Variants in FRMD5 observed in about 807,000 individuals in gnomAD.
The protein encoded by FRMD5 is FERM domain-containing protein 5.
FRMD5 carries 20 observed loss-of-function variants against 69.0 expected under a neutral mutation model. That is an observed-to-expected ratio of 0.29 (90% CI 0.20 to 0.42). The LOEUF (loss-of-function observed/expected upper bound fraction) is 0.42, where lower values mean the gene tolerates loss of function less well. Ranked by LOEUF, FRMD5 falls within the 10% of genes least tolerant of loss-of-function variation. FRMD5 has a pLI of 1.00. For synonymous variants in FRMD5, 271 were observed against 260.1 expected (o/e 1.04, Z -0.40); for missense variants, 595 against 708.6 (o/e 0.84, Z 1.82).
chr15:44,123,370 G>C (rs1458047307), intron 1 of FRMD5, among the ~76,000 whole-genome samples: 1 of 151,812 alleles, frequency 6.6e-6, no homozygotes, highest in East Asian at 1.9e-4. Context: ...TATGGCATAG[G>C]GTTAAAGAAA....
At position 44,038,520 on chromosome 15, in the gene FRMD5, CTTTT is replaced by C. The variant is rs71111834; in HGVS notation, c.103-114215_103-114212del. The stretch of plus-strand genomic sequence containing the variant: ...GCTTTCTGCATATGGCTAGCCAGAG[CTTTT>C]TTTTTTTTTTTTTTTTATAACAATT... On this transcript the variant is annotated intron_variant, in intron 1 of 13. Transcript: ENST00000417257. 7.9e-5 allele frequency among the ~76,000 whole-genome samples: 5 copies of C among 63,198 alleles called. 1 individual carries two copies. Among genetic ancestry groups the C allele is most frequent in the Non-Finnish European group, 2.8e-5 (1 of 35,302 alleles). 41.5% of individuals were successfully genotyped at this position (63,198 alleles called of 152,430 possible).
At chr15:44,044,565 C>T (rs1315790229) in intron 1 of FRMD5, among the ~76,000 whole-genome samples, 1 of 152,126 alleles carries the variant, frequency 6.6e-6, no homozygotes, top group Non-Finnish European at 1.5e-5. Context: ...ATATATACAC[C>T]ATGGAATACT....
chr15:43,939,140 G>A (rs1391568675), intron 1 of FRMD5, among the ~76,000 whole-genome samples: 1 of 151,974 alleles, frequency 6.6e-6, no homozygotes, highest in Admixed American at 6.6e-5. Flanking sequence ...CAAAGTGCTA[G>A]GATTACAGGT....
At chr15:44,145,067 T>C (rs2077336133) in intron 1 of FRMD5, among the ~76,000 whole-genome samples, 2 of 152,212 alleles carry the variant, frequency 1.3e-5, no homozygotes, top group Admixed American at 1.3e-4. Flanking sequence ...AATTTTACAC[T>C]GAAGTAGAAT....
chr15:43,965,335 G>A lies in FRMD5; in HGVS notation c.103-41026C>T, dbSNP rs944796848. Among the ~76,000 whole-genome samples, 3 of 152,244 alleles carry A rather than the reference G, an allele frequency of 2.0e-5. No individual in the cohort carries two copies. In the South Asian group the frequency reaches 6.2e-4, roughly 32 times the overall value. ...ATGATATCTGCCTTTTACTGATGAC[G>A]TGTCAGGGACTGTACATACACTGCG... On this transcript the variant is annotated intron_variant, in intron 1 of 13. Coordinates refer to ENST00000417257, the MANE Select transcript of FRMD5 (RefSeq NM_032892.5).
chr15:44,123,246 G>C (rs956354567), intron 1 of FRMD5, among the ~76,000 whole-genome samples: 3 of 151,536 alleles, frequency 2.0e-5, no homozygotes, highest in Non-Finnish European at 4.4e-5. Context: ...TCTGGAGGCT[G>C]AGACAGGAGA....
At chr15:43,984,938 C>T (rs150149854) in intron 1 of FRMD5, among the ~76,000 whole-genome samples, 1,848 of 149,966 alleles carry the variant, frequency 0.012, 35 homozygotes, top group African/African-American at 0.043. Flanking sequence ...GAGCCGAGAT[C>T]GCGCCACTGC....
intron 1 of FRMD5, among the ~76,000 whole-genome samples, chr15:44,128,109 G>GA (rs760921093): frequency 5.9e-5 from 9 of 152,052 alleles, no homozygotes; most frequent in Non-Finnish European, 1.2e-4. Context: ...AAGCTTCTGA[G>GA]AAAAAAAGCA....
At chr15:44,005,514 G>A (rs1241985253) in intron 1 of FRMD5, among the ~76,000 whole-genome samples, 1 of 151,334 alleles carries the variant, frequency 6.6e-6, no homozygotes, top group African/African-American at 2.4e-5. Context: ...ATATCTGAGA[G>A]TGGGTAATTT....
At chr15:44,052,879 T>C (rs1285168207) in intron 1 of FRMD5, among the ~76,000 whole-genome samples, 1 of 151,984 alleles carries the variant, frequency 6.6e-6, no homozygotes, top group Non-Finnish European at 1.5e-5. Flanking sequence ...GTATCCTAGG[T>C]GATGGGGATG....
chr15:43,958,640 TC>T (rs994304370), intron 1 of FRMD5, among the ~76,000 whole-genome samples: 12 of 152,272 alleles, frequency 7.9e-5, no homozygotes, highest in Non-Finnish European at 1.8e-4. Flanking sequence ...TGCCATGTTG[TC>T]CAAGTTGGTC....
intron 1 of FRMD5, among the ~76,000 whole-genome samples, chr15:44,048,297 AT>A (rs1280149284): frequency 1.3e-5 from 2 of 151,894 alleles, no homozygotes; most frequent in Non-Finnish European, 2.9e-5. Context: ...TTTGATTTTA[AT>A]TTTCCCTATG....
At chr15:44,020,530 G>A (rs1274820389) in intron 1 of FRMD5, among the ~76,000 whole-genome samples, 1 of 152,196 alleles carries the variant, frequency 6.6e-6, no homozygotes, top group Non-Finnish European at 1.5e-5. Context: ...GGGTCACCAT[G>A]AATGTATGAA....
chr15:44,112,707 A>G (rs997368398), intron 1 of FRMD5, among the ~76,000 whole-genome samples: 3 of 151,976 alleles, frequency 2.0e-5, no homozygotes, highest in African/African-American at 7.2e-5. Flanking sequence ...AGACCTCATG[A>G]TCCACCCACC....
chr15:43,906,347 T>C (rs1249361293), intron 5 of FRMD5, among the ~76,000 whole-genome samples: 1 of 152,208 alleles, frequency 6.6e-6, no homozygotes, highest in African/African-American at 2.4e-5. Flanking sequence ...GAAAGGGAGA[T>C]CCTCTTGGGC....
intron 1 of FRMD5, among the ~76,000 whole-genome samples, chr15:43,931,948 C>G (rs1194662675): frequency 6.6e-6 from 1 of 152,162 alleles, no homozygotes; most frequent in Admixed American, 6.5e-5. Flanking sequence ...GCTTTGAGAA[C>G]GAGCACTAAG....
chr15:44,170,233 A>G (rs2077777039), intron 1 of FRMD5, among the ~76,000 whole-genome samples: 1 of 152,120 alleles, frequency 6.6e-6, no homozygotes, highest in Admixed American at 6.5e-5. Flanking sequence ...TATTAAATAT[A>G]CTTTAATTAG....
chr15:43,946,492 C>G, intron 1 of FRMD5, among the ~76,000 whole-genome samples: 1 of 152,150 alleles, frequency 6.6e-6, no homozygotes, highest in East Asian at 1.9e-4. Context: ...GAAAATTCAG[C>G]CTTAGAGCTA....
At chr15:44,057,102 AT>A (rs1892898675) in intron 1 of FRMD5, among the ~76,000 whole-genome samples, 1 of 149,702 alleles carries the variant, frequency 6.7e-6, no homozygotes, top group South Asian at 2.1e-4. Context: ...GGGCAGATAA[AT>A]TCCCTCTCCC....
Sources: allele counts gnomAD v4.1 joint callset (sites outside exome capture counted in the v4.1 genomes callset), GRCh38; gene constraint gnomAD v4.1.1; transcripts MANE v1.5; gene names NCBI Gene and HGNC (gene_info 2026-07-23, HGNC 2026-07-21).